The following ENO1 variants were observed in gnomAD, a reference collection of about 807,000 sequenced individuals.
The protein encoded by ENO1 is alpha-enolase.
Under a neutral mutation model 46.3 loss-of-function variants are expected in ENO1, and 33 were observed. That is an observed-to-expected ratio of 0.71 (90% CI 0.54 to 0.95). The LOEUF (loss-of-function observed/expected upper bound fraction) is 0.95. Ranked by LOEUF, ENO1 falls within the 40% of genes least tolerant of loss-of-function variation. The pLI is 0.00. For missense variants in ENO1, 488 were observed against 553.3 expected, an observed-to-expected ratio of 0.88 and a Z score of 1.18; for synonymous variants, 220 against 216.0, an observed-to-expected ratio of 1.02 and a Z score of -0.16.
intron 5 of ENO1, among the ~76,000 whole-genome samples, chr1:8,867,569 T>A (rs549839806): frequency 6.6e-6 from 1 of 152,172 alleles, no homozygotes; most frequent in African/African-American, 2.4e-5. Context: ...TTTTTCTTTT[T>A]TTTTGAGACA....
chr1:8,874,913 A>C lies in ENO1; in HGVS notation c.-5T>G. 1 of 1,612,818 alleles carries C rather than the reference A, an allele frequency of 6.2e-7. No individual in the cohort carries two copies. Among genetic ancestry groups the C allele is most frequent in the Non-Finnish European group, 8.5e-7 (1 of 1,179,068 alleles). ...ATGGATCTTGAGAATAGACATGGTGAACTTCTGTAGAAGAAACACACAGTT... is the reference window on the plus strand; with the variant it reads ...ATGGATCTTGAGAATAGACATGGTGCACTTCTGTAGAAGAAACACACAGTT... On this transcript the variant is annotated 5_prime_UTR_variant, in exon 2 of 12. Transcript: ENST00000234590.
intron 2 of ENO1, 122 bp downstream of exon 2, chr1:8,874,702 T>C (rs1642701578): frequency 1.3e-6 from 1 of 793,622 alleles, no homozygotes; most frequent in African/African-American, 1.8e-5. Context: ...CCTACTAGCA[T>C]GTGCAGACAG....
At chr1:8,873,891 AAC>A (rs1329079361) in intron 2 of ENO1, 1 of 152,224 alleles carries the variant, frequency 6.6e-6, no homozygotes, top group African/African-American at 2.4e-5. Flanking sequence ...TGCTGGAGGT[AAC>A]ACAGAGCTAC....
At chr1:8,877,878 A>T (rs76576231) in intron 1 of ENO1, 2 of 9,958 alleles carry the variant, frequency 2.0e-4, no homozygotes, top group East Asian at 0.062. Flanking sequence ...GCAAAACTCA[A>T]AAAAAAAAAA....
intron 6 of ENO1, 23 bp downstream of exon 6, chr1:8,867,094 G>A (rs1642534021): frequency 6.2e-7 from 1 of 1,606,850 alleles, no homozygotes; most frequent in Admixed American, 1.7e-5. Flanking sequence ...TCCTTGCTTG[G>A]GAAGTTCCAA....
intron 8 of ENO1, among the ~76,000 whole-genome samples, 200 bp downstream of exon 8, chr1:8,865,085 T>C (rs1569898058): frequency 6.6e-6 from 1 of 152,138 alleles, no homozygotes; most frequent in Non-Finnish European, 1.5e-5. Flanking sequence ...CCGAGCTCCT[T>C]AGCTACACAA....
At chr1:8,875,127 G>A (rs1569922720) in intron 1 of ENO1, among the ~76,000 whole-genome samples, 1 of 152,306 alleles carries the variant, frequency 6.6e-6, no homozygotes, top group East Asian at 1.9e-4. Flanking sequence ...CCTAGCTGCG[G>A]AAGGCCTTAA....
chr1:8,863,787 C>G, intron 9 of ENO1, 104 bp downstream of exon 9: 1 of 1,313,026 alleles, frequency 7.6e-7, no homozygotes, highest in African/African-American at 1.5e-5. Flanking sequence ...CCAGCGAGTC[C>G]TACATTCTGG....
At chr1:8,869,963 C>T (rs2124086506) in intron 4 of ENO1, among the ~76,000 whole-genome samples, 1 of 152,350 alleles carries the variant, frequency 6.6e-6, no homozygotes, top group Non-Finnish European at 1.5e-5. Context: ...ATAAAACCTG[C>T]AGAGTCGGGT....
chr1:8,867,893 A>G (rs1642556657), intron 5 of ENO1, 95 bp downstream of exon 5: 5 of 1,079,454 alleles, frequency 4.6e-6, no homozygotes, highest in Non-Finnish European at 7.0e-6. Flanking sequence ...CATGTAGCTC[A>G]TCACTAAGAT....
chr1:8,876,966 C>T (rs1642746676), intron 1 of ENO1, among the ~76,000 whole-genome samples: 1 of 151,376 alleles, frequency 6.6e-6, no homozygotes, highest in African/African-American at 2.4e-5. Context: ...GGTGGGATTA[C>T]AGGCGCCTGC....
chr1:8,865,585 T>A (rs1278815598), intron 7 of ENO1, 103 bp from the exon 8 acceptor site: 1 of 1,139,948 alleles, frequency 8.8e-7, no homozygotes, highest in Non-Finnish European at 1.3e-6. Context: ...GATCAACAGG[T>A]GTTCAGGCCC....
chr1:8,866,688 A>G, intron 6 of ENO1, 187 bp from the exon 7 acceptor site: 1 of 644,832 alleles, frequency 1.6e-6, no homozygotes, highest in Non-Finnish European at 2.7e-6. Context: ...TTTTAGAGAC[A>G]GGGTTTCACT....
intron 1 of ENO1, 136 bp downstream of exon 1, chr1:8,878,444 G>A (rs1642783013): frequency 2.9e-6 from 1 of 344,394 alleles, no homozygotes; most frequent in African/African-American, 2.2e-5. Flanking sequence ...CACCCAGGGA[G>A]GCGGCTTGCA....
At position 8,861,357 on chromosome 1, in the gene ENO1, A is replaced by C. The variant is rs2124042237; in HGVS notation, c.*3T>G. On this transcript the variant is annotated 3_prime_UTR_variant, in exon 12 of 12. Transcript: ENST00000234590. The stretch of plus-strand genomic sequence containing the variant: ...GTGACCGAAGGGCTTGCCTGCCCAC[A>C]GCTTACTTGGCCAAGGGGTTTCTGA... 2 of 1,613,712 alleles carry C rather than the reference A, an allele frequency of 1.2e-6. No individual in the cohort carries two copies. The highest frequency in any genetic ancestry group is 4.5e-5 in the East Asian group (2 of 44,886).
rs968755717 is a variant in ENO1, at chr1:8,861,286, G to A, written c.*74C>T. The A allele has an allele frequency of 4.7e-5, 72 of 1,528,350 alleles. No homozygotes were observed. Among genetic ancestry groups the A allele is most frequent in the South Asian group, 3.0e-4 (27 of 88,960 alleles). The allele number at this position is 1,528,350 out of a possible 1,614,324, so 94.7% of individuals were successfully genotyped here. A position where few individuals can be genotyped will look rare whatever the true frequency, so the allele number is the denominator to read the frequency against. On this transcript the variant is annotated 3_prime_UTR_variant, in exon 12 of 12. Coordinates refer to ENST00000234590, the MANE Select transcript of ENO1 (RefSeq NM_001428.5). ...CCTGCAAGTGTTGGTCGGGGGCCTC[G>A]AGCTGCCTGAGCTGACACGAGGGGA...
At chr1:8,867,075 AC>A (rs1378266456) in intron 6 of ENO1, 41 bp downstream of exon 6, 1 of 1,598,244 alleles carries the variant, frequency 6.3e-7, no homozygotes, top group Non-Finnish European at 8.6e-7. Context: ...GCAAGCTGAA[AC>A]CCCCAACTCC....
At chr1:8,869,928 A>G (rs1164418913) in intron 4 of ENO1, among the ~76,000 whole-genome samples, 1 of 152,108 alleles carries the variant, frequency 6.6e-6, no homozygotes, top group Non-Finnish European at 1.5e-5. Context: ...TTACGGAGGG[A>G]CGGGCCGAAG....
chr1:8,872,408 G>A (rs2124096023), intron 2 of ENO1, among the ~76,000 whole-genome samples: 1 of 151,532 alleles, frequency 6.6e-6, no homozygotes, highest in East Asian at 1.9e-4. Flanking sequence ...TTTTGAGACA[G>A]AATCTCGCTC....
Sources: gnomAD v4.1 joint callset for allele counts (sites outside exome capture counted in the v4.1 genomes callset) on GRCh38, gnomAD v4.1.1 for gene constraint, MANE v1.5 for transcripts, NCBI Gene and HGNC (gene_info 2026-07-23, HGNC 2026-07-21) for gene names.